Variants in TET3 observed in about 807,000 individuals in gnomAD.
The protein encoded by TET3 is tet methylcytosine dioxygenase 3, also known as methylcytosine dioxygenase TET3.
TET3 carries 19 observed loss-of-function variants against 141.4 expected under a neutral mutation model. The ratio of observed to expected loss-of-function variants is 0.13; its 90% CI spans 0.09 to 0.20. TET3 has a LOEUF of 0.20. Ranked by LOEUF, TET3 falls within the 10% of genes least tolerant of loss-of-function variation. The probability of loss-of-function intolerance (pLI) is 1.00; values close to 1 mark genes in which losing one functional copy is unlikely to be tolerated. For missense variants in TET3, 1,874 were observed against 2,356.9 expected (o/e 0.80, Z 4.24); for synonymous variants, 1,043 against 980.9 (o/e 1.06, Z -1.18).
intron 3 of TET3, among the ~76,000 whole-genome samples, chr2:74,028,644 C>CT (rs1275974706): frequency 3.3e-5 from 5 of 152,070 alleles, no homozygotes; most frequent in Non-Finnish European, 7.4e-5. Context: ...GTCTTTATAG[C>CT]TTTTTTATTG....
intron 3 of TET3, among the ~76,000 whole-genome samples, chr2:74,019,369 A>G (rs1685908381): frequency 6.6e-6 from 1 of 152,192 alleles, no homozygotes; most frequent in Non-Finnish European, 1.5e-5. Flanking sequence ...GCTGTTGGGA[A>G]TGGGATCTTT....
At chr2:74,067,757 A>G (rs533667064) in intron 4 of TET3, among the ~76,000 whole-genome samples, 7 of 152,358 alleles carry the variant, frequency 4.6e-5, no homozygotes, top group African/African-American at 1.7e-4. Context: ...AGAGATCCAG[A>G]AAGGCACTGT....
chr2:74,011,245 A>C (rs1303313035), intron 3 of TET3, among the ~76,000 whole-genome samples: 2 of 151,806 alleles, frequency 1.3e-5, no homozygotes, highest in Non-Finnish European at 2.9e-5. Context: ...AAAAAAAAAA[A>C]ACACTTTAAA....
chr2:74,095,961 T>C (rs1258462129), intron 10 of TET3, among the ~76,000 whole-genome samples: 1 of 152,244 alleles, frequency 6.6e-6, no homozygotes, highest in African/African-American at 2.4e-5. Flanking sequence ...GTGGGAAACA[T>C]ATGATCTTAT....
At chr2:74,066,013 TC>T (rs1688880371) in intron 4 of TET3, among the ~76,000 whole-genome samples, 1 of 152,182 alleles carries the variant, frequency 6.6e-6, no homozygotes, top group South Asian at 2.1e-4. Context: ...TGCCTTGGCC[TC>T]CCAAAGTGCT....
Position 74,104,821 on chromosome 2 carries a change from C to G in TET3, c.*2645C>G, listed in dbSNP as rs891969449. On this transcript the variant is annotated 3_prime_UTR_variant, in exon 12 of 12. Transcript: ENST00000409262. ...CCAAACAGCCTTGGTTCATCAGTTT[C>G]TGCAGTAGGAGATAGGCTGCTGAGA... is the stretch of plus-strand genomic sequence containing the variant. 5 of 213,590 alleles carry G rather than the reference C, an allele frequency of 2.3e-5. No individual in the cohort carries two copies. In the East Asian group the frequency reaches 5.1e-4, roughly 22 times the overall value. 13.2% of individuals were successfully genotyped at this position (213,590 alleles called of 1,614,324 possible). A position where few individuals can be genotyped will look rare whatever the true frequency, so the allele number is the denominator to read the frequency against.
chr2:74,132,172 C>T, the TET3 span, among the ~76,000 whole-genome samples: 1 of 152,284 alleles, frequency 6.6e-6, no homozygotes, highest in African/African-American at 2.4e-5. Flanking sequence ...CGCCTTCTCT[C>T]TCCACTTCAA....
chr2:74,064,648 C>G (rs766260391), intron 4 of TET3, among the ~76,000 whole-genome samples: 2 of 152,112 alleles, frequency 1.3e-5, no homozygotes, highest in African/African-American at 2.4e-5. Context: ...ATCTGCCCAC[C>G]ACAGCCTCCC....
rs752321491 is a variant in TET3 at position 74,048,446 on chromosome 2, A to C, written c.2494+35A>C. ...CCTGGGTATCAGGGAAGGGCAGAGA[A>C]AGGGCTGTGGCCTGGTGAGCTAGGA... On this transcript the variant is annotated intron_variant, in intron 4 of 11. Coordinates refer to ENST00000409262, the MANE Select transcript of TET3 (RefSeq NM_001287491.2). 1.3e-5 allele frequency: 20 copies of C among 1,566,482 alleles called. No homozygotes were observed. The East Asian group carries it at 4.5e-4, about 35-fold the overall frequency.
intron 2 of TET3, among the ~76,000 whole-genome samples, chr2:74,002,402 C>T (rs1029067782): frequency 2.0e-5 from 3 of 151,620 alleles, no homozygotes; most frequent in African/African-American, 7.3e-5. Context: ...CTCCGCTCCA[C>T]CCGGAGGCGC....
intron 4 of TET3, among the ~76,000 whole-genome samples, chr2:74,062,970 G>A (rs1006505847): frequency 2.8e-5 from 4 of 143,722 alleles, no homozygotes; most frequent in East Asian, 2.0e-4. Flanking sequence ...TGCAACTTCC[G>A]CCTCCTGGGT....
intron 4 of TET3, among the ~76,000 whole-genome samples, chr2:74,051,735 G>T (rs920025827): frequency 3.9e-5 from 6 of 152,242 alleles, no homozygotes; most frequent in South Asian, 2.1e-4. Flanking sequence ...ACTGTCAGTG[G>T]CTCCATTTTA....
chr2:74,097,778 T>G (rs1271827604), intron 10 of TET3, among the ~76,000 whole-genome samples: 1 of 152,088 alleles, frequency 6.6e-6, no homozygotes, highest in Non-Finnish European at 1.5e-5. Flanking sequence ...AAATATTGGT[T>G]TGGTGTGTGA....
chr2:74,038,524 A>AGCAC (rs1479525949), intron 3 of TET3, among the ~76,000 whole-genome samples: 6 of 152,184 alleles, frequency 3.9e-5, no homozygotes. Flanking sequence ...GTGCAGCACT[A>AGCAC]GCACCTTGGG....
intron 3 of TET3, among the ~76,000 whole-genome samples, chr2:74,020,599 A>G (rs148683952): frequency 1.1e-3 from 168 of 152,318 alleles, no homozygotes; most frequent in Middle Eastern, 6.8e-3. Flanking sequence ...CCAGACTCTC[A>G]GGTCCCTGCC....
Position 74,071,829 on chromosome 2 carries a change from G to A in TET3, c.2495-1720G>A, listed in dbSNP as rs183062591. 3.5e-4 allele frequency among the ~76,000 whole-genome samples: 53 copies of A among 152,272 alleles called. No homozygotes were observed. In the East Asian group the frequency reaches 6.4e-3, roughly 18 times the overall value. On this transcript the variant is annotated intron_variant, in intron 4 of 11. Coordinates refer to ENST00000409262, the MANE Select transcript of TET3 (RefSeq NM_001287491.2). ...TCCAGCCACATCACTGTTTTCCAAA[G>A]CTGCTACTATGTAGCCTTTTGGGTC...
chr2:74,115,495 C>T, the TET3 span, among the ~76,000 whole-genome samples: 7 of 152,024 alleles, frequency 4.6e-5, no homozygotes, highest in Non-Finnish European at 7.4e-5. Flanking sequence ...TGAACAGGTA[C>T]GCCAGAAGCC....
chr2:74,065,022 C>G (rs1053251148), intron 4 of TET3, among the ~76,000 whole-genome samples: 3 of 152,182 alleles, frequency 2.0e-5, no homozygotes, highest in African/African-American at 7.2e-5. Context: ...ACATGCAACT[C>G]ATTTACTGCA....
At chr2:74,038,962 C>T (rs1035833569) in intron 3 of TET3, among the ~76,000 whole-genome samples, 1 of 152,208 alleles carries the variant, frequency 6.6e-6, no homozygotes, top group East Asian at 1.9e-4. Flanking sequence ...TCCATAACCA[C>T]GTTTCATCCC....
Sources: allele counts gnomAD v4.1 joint callset (sites outside exome capture counted in the v4.1 genomes callset), GRCh38; gene constraint gnomAD v4.1.1; transcripts MANE v1.5; gene names NCBI Gene and HGNC (gene_info 2026-07-23, HGNC 2026-07-21).